The following TMC1 variants were observed in gnomAD, a reference collection of about 807,000 sequenced individuals.
TMC1 encodes the protein transmembrane channel like 1.
TMC1 carries 84 observed loss-of-function variants against 105.8 expected under a neutral mutation model. The observed-to-expected ratio is 0.79, with a 90% CI of 0.67 to 0.95. TMC1 has a LOEUF of 0.95. TMC1 is among the 40% of genes least tolerant of loss of function. TMC1 has a pLI of 0.00. For missense variants in TMC1, 817 were observed against 914.1 expected, an observed-to-expected ratio of 0.89 and a Z score of 1.37; for synonymous variants, 315 against 311.5, an observed-to-expected ratio of 1.01 and a Z score of -0.12.
At chr9:72,806,440 C>T (rs1046013574) in intron 18 of TMC1, among the ~76,000 whole-genome samples, 52 of 149,534 alleles carry the variant, frequency 3.5e-4, no homozygotes, top group Non-Finnish European at 6.4e-4. Context: ...GGCTGCCGGG[C>T]GGAGACGCTC....
chr9:72,629,596 A>G (rs1175314976), intron 4 of TMC1, among the ~76,000 whole-genome samples: 3 of 152,058 alleles, frequency 2.0e-5, no homozygotes, highest in East Asian at 1.9e-4. Flanking sequence ...GTGTGTGTTT[A>G]TGTGTGTTTG....
At chr9:72,751,670 C>T (rs971562881) in intron 10 of TMC1, among the ~76,000 whole-genome samples, 180 bp from the exon 11 acceptor site, 4 of 152,238 alleles carry the variant, frequency 2.6e-5, no homozygotes, top group African/African-American at 9.6e-5. Flanking sequence ...GGAATGCTTC[C>T]ATCATGATTA....
At chr9:72,583,322 G>A (rs954100217) in intron 2 of TMC1, among the ~76,000 whole-genome samples, 1 of 152,118 alleles carries the variant, frequency 6.6e-6, no homozygotes, top group Non-Finnish European at 1.5e-5. Flanking sequence ...AAATAATTTT[G>A]ACACCTACTT....
chr9:72,773,021 A>G (rs886833007), intron 13 of TMC1, among the ~76,000 whole-genome samples: 1 of 152,182 alleles, frequency 6.6e-6, no homozygotes, highest in African/African-American at 2.4e-5. Flanking sequence ...TAAGACAGCA[A>G]AAATGAATGG....
intron 2 of TMC1, among the ~76,000 whole-genome samples, chr9:72,584,784 CT>C (rs71357591): frequency 1.5e-3 from 167 of 112,990 alleles, no homozygotes; most frequent in Admixed American, 7.0e-3. Flanking sequence ...CTTTTCTTTT[CT>C]TTTTTTTTTT....
intron 3 of TMC1, among the ~76,000 whole-genome samples, chr9:72,626,896 A>G (rs1211993425): frequency 5.9e-5 from 9 of 152,172 alleles, no homozygotes; most frequent in Non-Finnish European, 1.2e-4. Flanking sequence ...TTAATAATGC[A>G]TTAAACCATC....
intron 5 of TMC1, among the ~76,000 whole-genome samples, chr9:72,666,504 A>C (rs970929948): frequency 6.6e-6 from 1 of 152,176 alleles, no homozygotes; most frequent in African/African-American, 2.4e-5. Context: ...GCCCCAAGAC[A>C]CAGGGGGAAA....
intron 9 of TMC1, among the ~76,000 whole-genome samples, chr9:72,742,152 C>A (rs1022828238): frequency 6.6e-6 from 1 of 152,098 alleles, no homozygotes; most frequent in African/African-American, 2.4e-5. Flanking sequence ...ATGTGCTAAT[C>A]CCCTGCTTTC....
chr9:72,596,500 A>G (rs533066617), intron 2 of TMC1, among the ~76,000 whole-genome samples: 1 of 150,332 alleles, frequency 6.7e-6, no homozygotes, highest in Admixed American at 6.7e-5. Flanking sequence ...AGAAATAATG[A>G]CTTCAACAAT....
chr9:72,685,596 TC>T (rs1197382745), intron 5 of TMC1, among the ~76,000 whole-genome samples: 2 of 152,072 alleles, frequency 1.3e-5, no homozygotes, highest in Non-Finnish European at 2.9e-5. Context: ...ACTCCTGACC[TC>T]AAGTGATTCA....
intron 5 of TMC1, among the ~76,000 whole-genome samples, chr9:72,648,994 C>T (rs555534385): frequency 6.6e-6 from 1 of 152,186 alleles, no homozygotes; most frequent in Non-Finnish European, 1.5e-5. Flanking sequence ...CTTTATTCCA[C>T]AGCAGTGACC....
At chr9:72,564,744 ACACT>A (rs1824118194) in intron 1 of TMC1, among the ~76,000 whole-genome samples, 1 of 152,162 alleles carries the variant, frequency 6.6e-6, no homozygotes, top group Non-Finnish European at 1.5e-5. Flanking sequence ...CCCCTTCCAC[ACACT>A]CCAGCTCTCT....
At chr9:72,627,409 G>A (rs1027179851) in intron 3 of TMC1, among the ~76,000 whole-genome samples, 20 of 152,026 alleles carry the variant, frequency 1.3e-4, no homozygotes, top group Admixed American at 8.5e-4. Context: ...AGGAGGCTGC[G>A]GAAAGAAATT....
At chr9:72,580,372 A>G (rs1824454814) in intron 2 of TMC1, among the ~76,000 whole-genome samples, 2 of 152,172 alleles carry the variant, frequency 1.3e-5, no homozygotes, top group Admixed American at 6.5e-5. Flanking sequence ...CTCAACCAGC[A>G]GTTTTATTAC....
intron 2 of TMC1, among the ~76,000 whole-genome samples, chr9:72,597,437 C>A (rs1342679696): frequency 1.3e-5 from 2 of 152,196 alleles, no homozygotes; most frequent in African/African-American, 4.8e-5. Context: ...AGGGTACCTG[C>A]TGTTCACCTT....
intron 1 of TMC1, among the ~76,000 whole-genome samples, chr9:72,527,102 G>A (rs2132054531): frequency 6.6e-6 from 1 of 152,282 alleles, no homozygotes; most frequent in Non-Finnish European, 1.5e-5. Flanking sequence ...AGCTCTGAGG[G>A]GCGTGGCTGG....
intron 1 of TMC1, among the ~76,000 whole-genome samples, chr9:72,570,029 CAG>C (rs1427365213): frequency 1.3e-5 from 2 of 151,934 alleles, no homozygotes; most frequent in Admixed American, 1.3e-4. Flanking sequence ...TTCATCTTGA[CAG>C]AGAATACAGG....
chr9:72,818,725 G>A (rs1454712518), intron 19 of TMC1: 1 of 152,204 alleles, frequency 6.6e-6, no homozygotes, highest in African/African-American at 2.4e-5. Context: ...GATTTTTACT[G>A]ACAGATGATG....
At chr9:72,828,021 A>G (rs1423119997) in intron 21 of TMC1, among the ~76,000 whole-genome samples, 1 of 152,178 alleles carries the variant, frequency 6.6e-6, no homozygotes, top group Non-Finnish European at 1.5e-5. Context: ...TACACAAAGA[A>G]AGTGATTTTC....
Sources: gnomAD v4.1 joint callset for allele counts (sites outside exome capture counted in the v4.1 genomes callset) on GRCh38, gnomAD v4.1.1 for gene constraint, MANE v1.5 for transcripts, NCBI Gene and HGNC (gene_info 2026-07-23, HGNC 2026-07-21) for gene names.